ANKRD35: variants seen among roughly 807,000 people sequenced by gnomAD.
ANKRD35 encodes the protein ankyrin repeat domain-containing protein 35.
In ANKRD35, 102 loss-of-function variants were observed where a neutral mutation model predicts 109.9. The ratio of observed to expected loss-of-function variants is 0.93; its 90% confidence interval spans 0.79 to 1.09. The LOEUF (loss-of-function observed/expected upper bound fraction) is 1.09, where lower values mean the gene tolerates loss of function less well. ANKRD35 is among the 50% of genes least tolerant of loss of function. ANKRD35 has a pLI of 0.00. For missense variants in ANKRD35, 1,240 were observed against 1,230.1 expected (o/e 1.01, Z -0.12); for synonymous variants, 515 against 512.4 (o/e 1.01, Z -0.07).
At chr1:145,885,631 G>C in intron 1 of ANKRD35, 89 bp downstream of exon 1, 1 of 1,422,080 alleles carries the variant, frequency 7.0e-7, no homozygotes, top group South Asian at 1.2e-5. Flanking sequence ...AAAAAGAAAA[G>C]GCGATGATGC....
intron 6 of ANKRD35, 28 bp downstream of exon 6, chr1:145,876,541 A>C (rs782565195): frequency 4.4e-5 from 71 of 1,613,844 alleles, no homozygotes; most frequent in Non-Finnish European, 5.8e-5. Flanking sequence ...TGTGTAGGAC[A>C]CTGCCCACTT....
In ANKRD35 at chr1:145,885,763, G is replaced by A; in HGVS notation, c.-5C>T. 6.2e-7 allele frequency: 1 copy of A among 1,613,454 alleles called. No homozygotes were observed. The highest frequency in any genetic ancestry group is 8.5e-7 in the Non-Finnish European group (1 of 1,179,458). ...GCAGGAGAAGATACGCTTCATGGCC[G>A]GGGTCGGGGCCACGGGGGATGGGGA... On this transcript the variant is annotated 5_prime_UTR_variant, in exon 1 of 14. Coordinates refer to ENST00000355594, the MANE Select transcript of ANKRD35 (RefSeq NM_144698.5).
rs145384692 is a variant in ANKRD35, at chr1:145,874,239, G to A, written c.746-47C>T. The A allele has an allele frequency of 7.1e-5, 114 of 1,595,232 alleles. No homozygotes were observed. In the African/African-American group the frequency reaches 1.4e-3, roughly 19 times the overall value. ...AAATGAGAGAGAAGACAGGTTCCATGTACTTCCAGCCCACATTCTTATCTT... is the reference window on the plus strand; with the variant it reads ...AAATGAGAGAGAAGACAGGTTCCATATACTTCCAGCCCACATTCTTATCTT... On this transcript the variant is annotated intron_variant, in intron 8 of 13. Transcript: ENST00000355594.
intron 10 of ANKRD35, 89 bp downstream of exon 10, chr1:145,871,893 G>T (rs1653834153): frequency 4.0e-6 from 6 of 1,510,432 alleles, no homozygotes; most frequent in East Asian, 2.4e-5. Flanking sequence ...ACCCACTGCT[G>T]CAATAAAGGT....
chr1:145,867,971 C>T lies in ANKRD35; in HGVS notation c.2943+20G>A, dbSNP rs368081635. On this transcript the variant is annotated intron_variant, in intron 12 of 13. Transcript: ENST00000355594. Reference sequence around the variant, plus strand: ...CTCAGCTTTATGTCTATACCTCCCTCAAAACTCCACCATGCTCACCCGAGC... The same window carrying T: ...CTCAGCTTTATGTCTATACCTCCCTTAAAACTCCACCATGCTCACCCGAGC... The T allele has an allele frequency of 1.1e-5, 17 of 1,613,432 alleles. No homozygotes were observed. The highest frequency in any genetic ancestry group is 1.4e-5 in the Non-Finnish European group (17 of 1,179,378).
chr1:145,876,950 A>G (rs1039829086), intron 4 of ANKRD35, 77 bp from the exon 5 acceptor site: 14 of 1,492,834 alleles, frequency 9.4e-6, no homozygotes, highest in South Asian at 9.1e-5. Context: ...TGGGTCACCA[A>G]TTTCCATGGT....
intron 4 of ANKRD35, 58 bp from the exon 5 acceptor site, chr1:145,876,931 T>C: frequency 3.2e-6 from 5 of 1,561,456 alleles, no homozygotes; most frequent in Non-Finnish European, 4.4e-6. Context: ...CCTCATCCCA[T>C]ACCCCCATTG....
intron 10 of ANKRD35, among the ~76,000 whole-genome samples, chr1:145,870,090 A>ATT (rs35685393): frequency 0.035 from 4,917 of 138,580 alleles, 264 homozygotes; most frequent in African/African-American, 0.1. Context: ...AGAGTTCCAA[A>ATT]TTTTTTTTTT....
intron 11 of ANKRD35, 69 bp from the exon 12 acceptor site, chr1:145,868,125 T>G: frequency 1.3e-6 from 2 of 1,556,158 alleles, no homozygotes; most frequent in Middle Eastern, 3.9e-4. Context: ...AGCAACACAA[T>G]GAAGTGGTCA....
chr1:145,868,019 T>C lies in ANKRD35; in HGVS notation c.2915A>G (p.Tyr972Cys). Residue 972 changes from tyrosine to cysteine, a missense_variant, in exon 12 of 14, where the codon TAC becomes TGC. Transcript: ENST00000355594. ...QKNHEEIIST[Y>C]RNHLLNAARG... ...AGCAGCATTCAGTAGATGATTCCTG[T>C]AGGTGGAGATGATCTCTTCATGGTT... 6.2e-7 allele frequency: 1 copy of C among 1,614,100 alleles called. No individual in the cohort carries two copies.
intron 2 of ANKRD35, 126 bp from the exon 3 acceptor site, chr1:145,878,605 C>T (rs1654173063): frequency 1.2e-6 from 1 of 813,526 alleles, no homozygotes; most frequent in South Asian, 1.8e-5. Flanking sequence ...GGAAAAGAAG[C>T]TCCCCTAGCT....
intron 10 of ANKRD35, among the ~76,000 whole-genome samples, chr1:145,869,040 T>C (rs1019069045): frequency 6.6e-6 from 1 of 152,150 alleles, no homozygotes; most frequent in South Asian, 2.1e-4. Flanking sequence ...ATTTTGTATA[T>C]GGGCTTAGGT....
intron 10 of ANKRD35, among the ~76,000 whole-genome samples, chr1:145,871,212 G>A (rs1431137998): frequency 8.4e-6 from 1 of 119,266 alleles, no homozygotes; most frequent in Non-Finnish European, 1.6e-5. Flanking sequence ...CACCCAGGCT[G>A]GAGTGCAATG....
chr1:145,875,688 A>G (rs1477257860), intron 7 of ANKRD35, among the ~76,000 whole-genome samples: 1 of 152,080 alleles, frequency 6.6e-6, no homozygotes, highest in African/African-American at 2.4e-5. Context: ...AGCTGGGACT[A>G]CAGGCACCCA....
At chr1:145,877,057 C>T (rs1654108301) in intron 4 of ANKRD35, among the ~76,000 whole-genome samples, 184 bp from the exon 5 acceptor site, 1 of 152,092 alleles carries the variant, frequency 6.6e-6, no homozygotes, top group South Asian at 2.1e-4. Context: ...TGAATATCAG[C>T]CCTGGTTTCT....
At chr1:145,869,352 T>C (rs1281617888) in intron 10 of ANKRD35, among the ~76,000 whole-genome samples, 1 of 151,992 alleles carries the variant, frequency 6.6e-6, no homozygotes, top group East Asian at 1.9e-4. Context: ...CAGATAATTT[T>C]TGTATTTTTA....
At chr1:145,884,637 T>C (rs185452270) in intron 1 of ANKRD35, among the ~76,000 whole-genome samples, 85 of 150,726 alleles carry the variant, frequency 5.6e-4, no homozygotes, top group Non-Finnish European at 8.5e-4. Context: ...TATAATCTTA[T>C]GTTTTTTTTT....
intron 4 of ANKRD35, 114 bp downstream of exon 4, chr1:145,877,854 G>A (rs1480445260): frequency 1.3e-5 from 13 of 966,512 alleles, no homozygotes; most frequent in African/African-American, 3.2e-5. Flanking sequence ...CCCTCCTATT[G>A]GGGATGAGGC....
Position 145,868,699 on chromosome 1 carries a change from C to A in ANKRD35, c.2788-299G>T, listed in dbSNP as rs186725213. Among the ~76,000 whole-genome samples the A allele has an allele frequency of 9.8e-5, 15 of 152,328 alleles. No homozygotes were observed. In the East Asian group the frequency reaches 2.9e-3, roughly 29 times the overall value. On this transcript the variant is annotated intron_variant, in intron 10 of 13. Coordinates refer to ENST00000355594, the MANE Select transcript of ANKRD35 (RefSeq NM_144698.5). Reference sequence around the variant, plus strand: ...CTGGACTTTCCTTACTTGTCAGTTACCTTTTAAAATTTGCACACATTATGA... The same window carrying A: ...CTGGACTTTCCTTACTTGTCAGTTAACTTTTAAAATTTGCACACATTATGA...
Sources: gnomAD v4.1 joint callset for allele counts (sites outside exome capture counted in the v4.1 genomes callset) on GRCh38, gnomAD v4.1.1 for gene constraint, MANE v1.5 for transcripts, NCBI Gene and HGNC (gene_info 2026-07-23, HGNC 2026-07-21) for gene names.